Variants in CACNA1C observed in about 807,000 individuals in gnomAD.
The protein encoded by CACNA1C is voltage-dependent L-type calcium channel subunit alpha-1C.
In CACNA1C, 30 loss-of-function variants were observed where a neutral mutation model predicts 229.0. The ratio of observed to expected loss-of-function variants is 0.13; its 90% CI spans 0.10 to 0.18. CACNA1C has a LOEUF of 0.18. CACNA1C is among the 10% of genes least tolerant of loss of function. The pLI is 1.00. For missense variants in CACNA1C, 1,658 were observed against 2,845.0 expected (o/e 0.58, Z 9.49); for synonymous variants, 1,114 against 1,132.5 (o/e 0.98, Z 0.33).
rs758486779 is a variant in CACNA1C at position 2,677,122 on chromosome 12, C to T, written c.4857C>T (p.Tyr1619=). ...GDDEVTVGKF[Y]ATFLIQEYFR... ...ATGAGGTCACCGTTGGCAAGTTCTA[C>T]GCCACGTTCCTGATCCAGGAGTACT... The change falls in exon 40 of 47, where the codon TAC becomes TAT. Residue 1619 remains tyrosine, a synonymous_variant. Coordinates refer to ENST00000399655, the MANE Select transcript of CACNA1C (RefSeq NM_000719.7). The surrounding 1 kb of genome is among the most constrained non-coding windows in gnomAD (Gnocchi z 7.4). 1.4e-5 allele frequency: 23 copies of T among 1,613,150 alleles called. No homozygotes were observed. In the East Asian group the frequency reaches 2.5e-4, roughly 17 times the overall value.
rs931341616 is a variant in CACNA1C at position 2,696,914 on chromosome 12, C to A, written c.*5715C>A. 1.3e-5 allele frequency: 2 copies of A among 152,224 alleles called. No homozygotes were observed. The highest frequency in any genetic ancestry group is 1.3e-4 in the Admixed American group (2 of 15,282). 9.4% of individuals were successfully genotyped at this position (152,224 alleles called of 1,614,324 possible). On this transcript the variant is annotated 3_prime_UTR_variant, in exon 47 of 47. Coordinates refer to ENST00000399655, the MANE Select transcript of CACNA1C (RefSeq NM_000719.7). Reference sequence around the variant, plus strand: ...AAAAGAGAAGTCTCTCCTGTAGAGTCACAAGAGAAGCAAAAGAGGGTGGGT... The same window carrying A: ...AAAAGAGAAGTCTCTCCTGTAGAGTAACAAGAGAAGCAAAAGAGGGTGGGT...
intron 3 of CACNA1C, among the ~76,000 whole-genome samples, chr12:2,408,555 C>A (rs2098765708): frequency 6.7e-6 from 1 of 150,354 alleles, no homozygotes; most frequent in South Asian, 2.1e-4. Context: ...ATCCAGAGAA[C>A]TCTGCTATGT....
At chr12:2,098,164 T>A (rs1047767890) in intron 1 of CACNA1C, among the ~76,000 whole-genome samples, 1 of 152,184 alleles carries the variant, frequency 6.6e-6, no homozygotes, top group East Asian at 1.9e-4. Context: ...TAACTTCATG[T>A]CTATATGAAG....
chr12:2,145,148 C>T (rs563508024), intron 3 of CACNA1C, among the ~76,000 whole-genome samples: 1 of 151,404 alleles, frequency 6.6e-6, no homozygotes, highest in Non-Finnish European at 1.5e-5. Flanking sequence ...TACCTATTAG[C>T]AAGACTTTAA....
intron 9 of CACNA1C, among the ~76,000 whole-genome samples, chr12:2,520,179 CAT>C: frequency 2.9e-5 from 4 of 136,082 alleles, no homozygotes; most frequent in East Asian, 2.4e-4. Flanking sequence ...GGAGGGAAGC[CAT>C]GACAGTCTTC....
At chr12:2,609,216 G>A (rs191350120) in intron 27 of CACNA1C, among the ~76,000 whole-genome samples, 2 of 152,240 alleles carry the variant, frequency 1.3e-5, no homozygotes, top group African/African-American at 4.8e-5. Flanking sequence ...GCCAAGTATC[G>A]TGACAGGTTC....
intron 7 of CACNA1C, among the ~76,000 whole-genome samples, chr12:2,499,575 C>T (rs188015572): frequency 7.9e-5 from 12 of 152,218 alleles, no homozygotes; most frequent in Admixed American, 4.6e-4. Flanking sequence ...TGCTGGTTGC[C>T]GAAAGGTCTT....
At chr12:2,343,756 A>G (rs145056881) in intron 3 of CACNA1C, among the ~76,000 whole-genome samples, 115 of 152,296 alleles carry the variant, frequency 7.6e-4, no homozygotes, top group African/African-American at 2.6e-3. Flanking sequence ...ATCTTGAGCT[A>G]TTATTTACAG....
chr12:2,651,492 C>T lies in CACNA1C; in HGVS notation c.3946-148C>T. 1 of 1,191,970 alleles carries T rather than the reference C, an allele frequency of 8.4e-7. No individual in the cohort carries two copies. The highest frequency in any genetic ancestry group is 1.2e-6 in the Non-Finnish European group (1 of 817,624). 73.8% of individuals were successfully genotyped at this position (1,191,970 alleles called of 1,614,324 possible). On this transcript the variant is annotated intron_variant, in intron 31 of 46. Transcript: ENST00000399655. The surrounding 1 kb of genome is among the most constrained non-coding windows in gnomAD (Gnocchi z 5.4). ...TCCACTCATTAAAGTGGGCGGCCGC[C>T]CTCCCATCGGAGGGGGAAGTCTAGT...
intron 9 of CACNA1C, among the ~76,000 whole-genome samples, chr12:2,539,991 A>G (rs2099865453): frequency 6.6e-6 from 1 of 152,196 alleles, no homozygotes; most frequent in African/African-American, 2.4e-5. Flanking sequence ...CCTCAGAGTC[A>G]GAGAGCAGCT....
intron 3 of CACNA1C, among the ~76,000 whole-genome samples, chr12:2,420,882 G>A (rs950489738): frequency 6.6e-6 from 1 of 152,214 alleles, no homozygotes; most frequent in Admixed American, 6.5e-5. Flanking sequence ...AGCTCTGTGT[G>A]CAGTTCTGGA....
chr12:2,460,693 C>T (rs976026279), intron 5 of CACNA1C, among the ~76,000 whole-genome samples: 8 of 152,112 alleles, frequency 5.3e-5, no homozygotes, highest in African/African-American at 1.9e-4. Flanking sequence ...TGTTACCTGC[C>T]GTGCAGTCCA....
chr12:2,593,456 T>G, intron 19 of CACNA1C, 111 bp downstream of exon 19: 1 of 1,114,530 alleles, frequency 9.0e-7, no homozygotes, highest in South Asian at 1.7e-5. Context: ...TCCCAGCTCC[T>G]TGCAAATTGT....
intron 9 of CACNA1C, chr12:2,547,388 T>C (rs568904206): frequency 1.3e-6 from 1 of 767,900 alleles, no homozygotes; most frequent in African/African-American, 1.7e-5. Context: ...CGTGGCTGAC[T>C]GCGTGTGCTC....
chr12:2,059,632 GT>G (rs1187538569), intron 1 of CACNA1C, among the ~76,000 whole-genome samples: 2 of 152,152 alleles, frequency 1.3e-5, no homozygotes, highest in African/African-American at 4.8e-5. Context: ...CTAGGCTCTG[GT>G]TCGTTAAAGG....
chr12:2,430,920 T>C (rs535346251), intron 3 of CACNA1C, among the ~76,000 whole-genome samples: 4 of 152,242 alleles, frequency 2.6e-5, no homozygotes, highest in Non-Finnish European at 4.4e-5. Flanking sequence ...GCTGACTCCA[T>C]GTCCCAGTAC....
intron 1 of CACNA1C, among the ~76,000 whole-genome samples, chr12:1,994,841 C>G (rs2040412386): frequency 1.3e-5 from 2 of 152,176 alleles, no homozygotes; most frequent in Non-Finnish European, 2.9e-5. Context: ...GCCAACTGCT[C>G]TAAAGCAACT....
intron 3 of CACNA1C, among the ~76,000 whole-genome samples, chr12:2,328,566 AT>A (rs1489362051): frequency 7.9e-5 from 12 of 152,220 alleles, no homozygotes; most frequent in South Asian, 4.1e-4. Flanking sequence ...AAAAGTGAAC[AT>A]TAGTGAATTA....
At chr12:2,480,030 C>T (rs538128320) in intron 5 of CACNA1C, among the ~76,000 whole-genome samples, 1 of 152,302 alleles carries the variant, frequency 6.6e-6, no homozygotes, top group East Asian at 1.9e-4. Context: ...TCCACTTTAC[C>T]AGCGAGGACG....
Sources: gnomAD v4.1 joint callset for allele counts (sites outside exome capture counted in the v4.1 genomes callset) on GRCh38, gnomAD v4.1.1 for gene constraint, Gnocchi (gnomAD v3.1) non-coding constraint, MANE v1.5 for transcripts, NCBI Gene and HGNC (gene_info 2026-07-23, HGNC 2026-07-21) for gene names.